BACE2: variants seen among roughly 807,000 people sequenced by gnomAD.
The protein encoded by BACE2 is beta-secretase 2.
Under a neutral mutation model 46.2 loss-of-function variants are expected in BACE2, and 17 were observed. That is an observed-to-expected ratio of 0.37 (90% CI 0.25 to 0.55). BACE2 has a LOEUF of 0.55. Ranked by LOEUF, BACE2 falls within the 20% of genes least tolerant of loss-of-function variation. BACE2 has a pLI of 0.82. For missense variants in BACE2, 595 were observed against 698.1 expected, an observed-to-expected ratio of 0.85 and a Z score of 1.66; for synonymous variants, 277 against 295.9, an observed-to-expected ratio of 0.94 and a Z score of 0.66.
intron 1 of BACE2, among the ~76,000 whole-genome samples, chr21:41,174,816 C>T (rs557225735): frequency 7.2e-5 from 11 of 152,304 alleles, no homozygotes; most frequent in Middle Eastern, 6.8e-3. Flanking sequence ...TGGATCCCTC[C>T]TCTGGGTCAC....
At chr21:41,228,183 A>G (rs1247298278) in intron 2 of BACE2, among the ~76,000 whole-genome samples, 1 of 152,246 alleles carries the variant, frequency 6.6e-6, no homozygotes, top group Non-Finnish European at 1.5e-5. Context: ...TATGGGGGGA[A>G]TACAAGGGAA....
intron 1 of BACE2, among the ~76,000 whole-genome samples, chr21:41,213,505 T>TGG (rs1486063474): frequency 1.3e-5 from 2 of 152,044 alleles, no homozygotes; most frequent in Non-Finnish European, 2.9e-5. Flanking sequence ...CTGGGCACGG[T>TGG]GGCTCACGCC....
chr21:41,174,702 G>A (rs911812488), intron 1 of BACE2, among the ~76,000 whole-genome samples: 1 of 152,136 alleles, frequency 6.6e-6, no homozygotes, highest in Admixed American at 6.5e-5. Flanking sequence ...GGAACGGGGT[G>A]GTGGTCCTCC....
At chr21:41,222,305 C>A (rs1483433702) in intron 1 of BACE2, among the ~76,000 whole-genome samples, 1 of 152,332 alleles carries the variant, frequency 6.6e-6, no homozygotes, top group South Asian at 2.1e-4. Flanking sequence ...GAAAGGGATG[C>A]ACAGGCCGGC....
intron 1 of BACE2, among the ~76,000 whole-genome samples, chr21:41,213,542 A>G (rs1986362653): frequency 6.6e-6 from 1 of 152,228 alleles, no homozygotes; most frequent in Non-Finnish European, 1.5e-5. Context: ...TGGGAGGCCA[A>G]GGCGGGCGGA....
At chr21:41,208,352 T>A (rs1288790932) in intron 1 of BACE2, among the ~76,000 whole-genome samples, 5 of 152,248 alleles carry the variant, frequency 3.3e-5, no homozygotes, top group Admixed American at 6.5e-5. Flanking sequence ...CCCCTGTGAC[T>A]GCAGGTGCCT....
chr21:41,194,670 T>C (rs1985680407), intron 1 of BACE2, among the ~76,000 whole-genome samples: 1 of 152,224 alleles, frequency 6.6e-6, no homozygotes, highest in Non-Finnish European at 1.5e-5. Context: ...CTGATGTTTT[T>C]GAGCTATTGG....
Position 41,237,603 on chromosome 21 carries a change from C to T in BACE2, c.492C>T (p.Thr164=), listed in dbSNP as rs1232994164. Residue 164 remains threonine (T), a synonymous_variant, in exon 3 of 9, where the codon ACC becomes ACT. Coordinates refer to ENST00000330333, the MANE Select transcript of BACE2 (RefSeq NM_012105.5). ...WTGFVGEDLV[T]IPKGFNTSFL... ...GCTTCGTTGGGGAAGACCTCGTCACCATCCCCAAAGGCTTCAATACTTCTT... is the reference window on the plus strand; with the variant it reads ...GCTTCGTTGGGGAAGACCTCGTCACTATCCCCAAAGGCTTCAATACTTCTT... 1.9e-6 allele frequency: 3 copies of T among 1,614,062 alleles called. No homozygotes were observed. The highest frequency in any genetic ancestry group is 2.5e-6 in the Non-Finnish European group (3 of 1,180,008).
intron 8 of BACE2, among the ~76,000 whole-genome samples, chr21:41,261,621 C>G (rs1424499664): frequency 2.0e-5 from 3 of 151,816 alleles, no homozygotes; most frequent in Non-Finnish European, 4.4e-5. Flanking sequence ...ATGCCCTGTG[C>G]CTTATTTAAG....
At chr21:41,239,804 C>T (rs1442561769) in intron 3 of BACE2, among the ~76,000 whole-genome samples, 1 of 152,224 alleles carries the variant, frequency 6.6e-6, no homozygotes, top group African/African-American at 2.4e-5. Flanking sequence ...TCCTCTGTAT[C>T]ATAGATAATT....
intron 1 of BACE2, chr21:41,179,929 G>T (rs1337148253): frequency 1.1e-5 from 4 of 365,736 alleles, no homozygotes; most frequent in Non-Finnish European, 2.2e-5. Flanking sequence ...AGCCCGGGAG[G>T]GTTCTTAGCT....
intron 1 of BACE2, chr21:41,180,368 AGG>A (rs1568857559): frequency 5.9e-6 from 1 of 170,634 alleles, no homozygotes; most frequent in Non-Finnish European, 1.4e-5. Flanking sequence ...CTTAATCTTA[AGG>A]GGGCTGCAGA....
rs780430335 is a variant in BACE2 at position 41,197,680 on chromosome 21, G to A, written c.313-28586G>A. ...TAAAAAAAAAAAATGGAAATAAGCC[G>A]TACCTTCCGGTTAGTTTGCTAGTTA... On this transcript the variant is annotated intron_variant, in intron 1 of 8. Coordinates refer to ENST00000330333, the MANE Select transcript of BACE2 (RefSeq NM_012105.5). Among the ~76,000 whole-genome samples, 19 of 151,976 alleles carry A rather than the reference G, an allele frequency of 1.3e-4. No homozygotes were observed. The East Asian group carries it at 2.5e-3, about 20-fold the overall frequency.
Position 41,223,431 on chromosome 21 carries a change from G to A in BACE2, c.313-2835G>A, listed in dbSNP as rs141516844. Among the ~76,000 whole-genome samples, 1,028 of 152,160 alleles carry A rather than the reference G, an allele frequency of 6.8e-3. 3 individuals carry two copies. The highest frequency in any genetic ancestry group is 0.012 in the Non-Finnish European group (841 of 68,010). ...AGTCTGAAATCAAGGTGTTGGTGGG[G>A]CCATGCATCCTCTGAGACTCCAGGT... On this transcript the variant is annotated intron_variant, in intron 1 of 8. Transcript: ENST00000330333.
At chr21:41,191,166 C>T (rs1354567307) in intron 1 of BACE2, among the ~76,000 whole-genome samples, 1 of 152,188 alleles carries the variant, frequency 6.6e-6, no homozygotes, top group Admixed American at 6.5e-5. Context: ...TCAGAGCATA[C>T]ACGGCCTTCT....
At position 41,237,714 on chromosome 21, in the gene BACE2, T is replaced by C; in HGVS notation, c.603T>C (p.Tyr201=). Residue 201 remains tyrosine, a synonymous_variant, in exon 3 of 9, where the codon TAT becomes TAC. Coordinates refer to ENST00000330333, the MANE Select transcript of BACE2 (RefSeq NM_012105.5). ...IKWNGILGLA[Y]ATLAKPSSSL... is the part of the protein sequence containing the mutation. ...GGAATGGAATACTTGGCCTAGCTTA[T>C]GCCACACTTGCCAAGGTAAGGCTAA... 6.2e-7 allele frequency: 1 copy of C among 1,613,526 alleles called. No individual in the cohort carries two copies. Among genetic ancestry groups the C allele is most frequent in the Non-Finnish European group, 8.5e-7 (1 of 1,179,402 alleles).
At chr21:41,239,181 A>G (rs1987219876) in intron 3 of BACE2, among the ~76,000 whole-genome samples, 1 of 140,704 alleles carries the variant, frequency 7.1e-6, no homozygotes, top group Non-Finnish European at 1.6e-5. Flanking sequence ...GTTTATGAGC[A>G]GATGGGGGTG....
At chr21:41,272,665 A>G (rs554035836) in intron 8 of BACE2, among the ~76,000 whole-genome samples, 11 of 152,164 alleles carry the variant, frequency 7.2e-5, no homozygotes, top group South Asian at 6.2e-4. Context: ...CCGTGTCTCT[A>G]TTTAACATGT....
chr21:41,188,679 A>C (rs1985463083), intron 1 of BACE2, among the ~76,000 whole-genome samples: 1 of 152,244 alleles, frequency 6.6e-6, no homozygotes, highest in Non-Finnish European at 1.5e-5. Flanking sequence ...GGCAGGATTT[A>C]CCAATAAGTA....
Sources: allele counts gnomAD v4.1 joint callset (sites outside exome capture counted in the v4.1 genomes callset), GRCh38; gene constraint gnomAD v4.1.1; transcripts MANE v1.5; gene names NCBI Gene and HGNC (gene_info 2026-07-23, HGNC 2026-07-21).